Variants in SLC12A7 observed in about 807,000 individuals in gnomAD.
SLC12A7 encodes solute carrier family 12 member 7.
Under a neutral mutation model 120.6 loss-of-function variants are expected in SLC12A7, and 100 were observed. That is an observed-to-expected ratio of 0.83 (90% CI 0.71 to 0.98). The LOEUF (loss-of-function observed/expected upper bound fraction) is 0.98. SLC12A7 is among the 50% of genes least tolerant of loss of function. SLC12A7 has a pLI of 0.00. For synonymous variants in SLC12A7, 760 were observed against 678.0 expected (o/e 1.12, Z -1.88); for missense variants, 1,373 against 1,548.1 (o/e 0.89, Z 1.90).
At chr5:1,140,390 TC>T in the SLC12A7 span, among the ~76,000 whole-genome samples, 2 of 151,654 alleles carry the variant, frequency 1.3e-5, no homozygotes, top group Non-Finnish European at 2.9e-5. Flanking sequence ...TCGGTTCTGT[TC>T]CCCCCCACCG....
chr5:1,078,109 G>A (rs1222249437), intron 11 of SLC12A7, 102 bp from the exon 12 acceptor site: 14 of 1,367,920 alleles, frequency 1.0e-5, no homozygotes, highest in Non-Finnish European at 1.4e-5. Context: ...TGCAGTGGGG[G>A]CGACTCCTTG....
At chr5:1,064,501 G>A (rs1736704166) in intron 18 of SLC12A7, among the ~76,000 whole-genome samples, 1 of 152,246 alleles carries the variant, frequency 6.6e-6, no homozygotes, top group Non-Finnish European at 1.5e-5. Flanking sequence ...GGGAGTGCCT[G>A]GACACTTTCA....
At chr5:1,104,962 A>G (rs1742371122) in intron 1 of SLC12A7, among the ~76,000 whole-genome samples, 1 of 151,034 alleles carries the variant, frequency 6.6e-6, no homozygotes, top group Admixed American at 6.6e-5. Flanking sequence ...CCCACCAGCC[A>G]AAAGGGACCC....
chr5:1,076,289 C>T lies in SLC12A7; in HGVS notation c.1749-53G>A, dbSNP rs541384521. The T allele has an allele frequency of 1.2e-3, 1,667 of 1,440,702 alleles. 13 individuals are homozygous for T. The highest frequency in any genetic ancestry group is 1.0e-2 in the Middle Eastern group (57 of 5,726). The allele number at this position is 1,440,702 out of a possible 1,614,324, so 89.2% of individuals were successfully genotyped here. On this transcript the variant is annotated intron_variant, in intron 13 of 23. Transcript: ENST00000264930. ...GGCCCACTGGGCCCCCCTGAGCCCC[C>T]AGTCACTGCCACCTGGGAGACCACC...
intron 23 of SLC12A7, 144 bp downstream of exon 23, chr5:1,053,205 C>A: frequency 9.3e-7 from 1 of 1,077,688 alleles, no homozygotes; most frequent in Admixed American, 2.7e-5. Flanking sequence ...AGCCCCACTG[C>A]ATCCCGGTCG....
At chr5:1,114,946 C>G (rs1300409718), upstream of SLC12A7, among the ~76,000 whole-genome samples, 1 of 152,192 alleles carries the variant, frequency 6.6e-6, no homozygotes, top group Non-Finnish European at 1.5e-5. Context: ...GATAATGGTG[C>G]CCACAGGAAA....
rs4975570 is a variant in SLC12A7, at chr5:1,054,696, T to G, written c.3027-1214A>C. 2.0e-5 allele frequency among the ~76,000 whole-genome samples: 3 copies of G among 152,152 alleles called. No individual in the cohort carries two copies. The South Asian group carries it at 6.2e-4, about 32-fold the overall frequency. The stretch of plus-strand genomic sequence containing the variant: ...GACAGAGGCCGCCCATGCAGGGTCA[T>G]GGAGAGGCCCCACGGACGCTATCCA... On this transcript the variant is annotated intron_variant, in intron 22 of 23. Coordinates refer to ENST00000264930, the MANE Select transcript of SLC12A7 (RefSeq NM_006598.3).
At chr5:1,081,319 C>A (rs996101561) in intron 9 of SLC12A7, among the ~76,000 whole-genome samples, 1 of 152,022 alleles carries the variant, frequency 6.6e-6, no homozygotes, top group Non-Finnish European at 1.5e-5. Context: ...ATTAACCGGG[C>A]GTGGTACCGT....
intron 1 of SLC12A7, among the ~76,000 whole-genome samples, chr5:1,098,118 CT>C (rs553638742): frequency 5.6e-5 from 7 of 124,390 alleles, no homozygotes; most frequent in Admixed American, 8.1e-5. Context: ...CAGCCCCCCT[CT>C]AACCCTCTGC....
intron 1 of SLC12A7, among the ~76,000 whole-genome samples, chr5:1,099,505 G>GACATCAACCCAGCCCCGAGC (rs1741780680): frequency 7.9e-5 from 12 of 151,664 alleles, no homozygotes; most frequent in Non-Finnish European, 1.2e-4. Context: ...CCGGGGGACG[G>GACATCAACCCAGCCCCGAGC]CAGGCATCCT....
the SLC12A7 span, among the ~76,000 whole-genome samples, chr5:1,130,258 C>A: frequency 6.6e-6 from 1 of 152,330 alleles, no homozygotes; most frequent in Non-Finnish European, 1.5e-5. Flanking sequence ...CAGGACCCCA[C>A]CGGGCGAGGC....
intron 14 of SLC12A7, 62 bp downstream of exon 14, chr5:1,076,076 T>G: frequency 7.1e-7 from 1 of 1,405,980 alleles, no homozygotes; most frequent in Non-Finnish European, 9.8e-7. Context: ...GCCTCACCAG[T>G]GGCAGAGGCA....
At chr5:1,079,188 C>G (rs939055673) in intron 10 of SLC12A7, among the ~76,000 whole-genome samples, 2 of 152,220 alleles carry the variant, frequency 1.3e-5, no homozygotes, top group Admixed American at 6.5e-5. Flanking sequence ...CTTCTGTTTT[C>G]TCTACGATCG....
chr5:1,153,652 C>G, the SLC12A7 span, among the ~76,000 whole-genome samples: 1 of 152,226 alleles, frequency 6.6e-6, no homozygotes, highest in Non-Finnish European at 1.5e-5. Context: ...ACCATTTCCC[C>G]CGGAACAAAC....
the SLC12A7 span, among the ~76,000 whole-genome samples, chr5:1,121,767 C>G: frequency 6.6e-6 from 1 of 152,172 alleles, no homozygotes; most frequent in Non-Finnish European, 1.5e-5. Context: ...CCTGGAAGCA[C>G]CCATGGGTCA....
chr5:1,129,388 T>C, the SLC12A7 span, among the ~76,000 whole-genome samples: 1 of 152,106 alleles, frequency 6.6e-6, no homozygotes, highest in Non-Finnish European at 1.5e-5. Context: ...GAGGTGGCCA[T>C]GGGCCACCAG....
At chr5:1,101,465 G>A (rs1248852356) in intron 1 of SLC12A7, among the ~76,000 whole-genome samples, 2 of 152,142 alleles carry the variant, frequency 1.3e-5, no homozygotes, top group Non-Finnish European at 2.9e-5. Context: ...AGACCTTGGA[G>A]GAGCCCTCCC....
chr5:1,083,999 G>C lies in SLC12A7; in HGVS notation c.918-43C>G, dbSNP rs372679822. On this transcript the variant is annotated intron_variant, in intron 7 of 23. Coordinates refer to ENST00000264930, the MANE Select transcript of SLC12A7 (RefSeq NM_006598.3). The stretch of plus-strand genomic sequence containing the variant: ...GCACGGCACGTGTGCTGCCACCGAA[G>C]TGGCTTTTACTGCCCCACCCAGCTC... The C allele has an allele frequency of 6.8e-5, 107 of 1,573,006 alleles. 1 individual carries two copies. In the African/African-American group the frequency reaches 1.4e-3, roughly 20 times the overall value.
At chr5:1,136,957 G>GAC in the SLC12A7 span, among the ~76,000 whole-genome samples, 2 of 145,924 alleles carry the variant, frequency 1.4e-5, no homozygotes, top group Non-Finnish European at 3.0e-5. Context: ...ATACCACCAG[G>GAC]ACACACACAC....
Sources: gnomAD v4.1 joint callset for allele counts (sites outside exome capture counted in the v4.1 genomes callset) on GRCh38, gnomAD v4.1.1 for gene constraint, MANE v1.5 for transcripts, NCBI Gene and HGNC (gene_info 2026-07-23, HGNC 2026-07-21) for gene names.